FUS: variants seen among roughly 807,000 people sequenced by gnomAD.
The protein encoded by FUS is FUS RNA binding protein.
A neutral mutation model predicts 82.7 loss-of-function variants in FUS; 5 were observed. That is an observed-to-expected ratio of 0.06 (90% CI 0.03 to 0.13). The LOEUF (loss-of-function observed/expected upper bound fraction) is 0.13. Ranked by LOEUF, FUS falls within the 10% of genes least tolerant of loss-of-function variation. FUS has a pLI of 1.00. For missense variants in FUS, 512 were observed against 707.8 expected (o/e 0.72, Z 3.14); for synonymous variants, 281 against 247.4 (o/e 1.14, Z -1.27).
chr16:31,185,964 G>A, intron 6 of FUS: 1 of 236,738 alleles, frequency 4.2e-6, no homozygotes, highest in Non-Finnish European at 8.4e-6. Context: ...CCTTGAAAAA[G>A]GGGAGGAATG....
chr16:31,185,210 T>C, intron 6 of FUS, 31 bp downstream of exon 6: 4 of 1,584,342 alleles, frequency 2.5e-6, no homozygotes, highest in Non-Finnish European at 3.4e-6. Context: ...GGAGTATCTT[T>C]GGTGGGGAGT....
At chr16:31,191,764 T>A (rs1407975759), downstream of FUS, 1 of 610,268 alleles carries the variant, frequency 1.6e-6, no homozygotes, top group South Asian at 1.5e-5. Context: ...GATTAAACTT[T>A]TCTGTCATGG....
chr16:31,192,328 C>T (rs767664243), downstream of FUS: 4 of 526,984 alleles, frequency 7.6e-6, no homozygotes, highest in Non-Finnish European at 1.5e-5. Context: ...GAGTTAAAAC[C>T]TTAGAGCAGT....
rs768477428 is a variant in FUS at position 31,180,200 on chromosome 16, C to T, written c.-15C>T. The T allele has an allele frequency of 4.3e-5, 69 of 1,610,650 alleles. No individual in the cohort carries two copies. The highest frequency in any genetic ancestry group is 5.3e-5 in the Non-Finnish European group (62 of 1,178,524). On this transcript the variant is annotated 5_prime_UTR_variant, in exon 1 of 15. Transcript: ENST00000254108. Reference sequence around the variant, plus strand: ...GAACTTCGTTGCTTGCTTGCCTGTGCGCGCGTGCGCGGACATGGCCTCAAA... The same window carrying T: ...GAACTTCGTTGCTTGCTTGCCTGTGTGCGCGTGCGCGGACATGGCCTCAAA...
chr16:31,186,909 T>C, intron 7 of FUS, 73 bp downstream of exon 7: 1 of 1,410,396 alleles, frequency 7.1e-7, no homozygotes, highest in Non-Finnish European at 1.0e-6. Context: ...GCAGATGTCT[T>C]AGCGTGTTAA....
chr16:31,189,305 T>C (rs1004475219), intron 9 of FUS, 79 bp downstream of exon 9: 17 of 1,091,970 alleles, frequency 1.6e-5, no homozygotes, highest in South Asian at 1.1e-4. Context: ...AGCAAGTCTT[T>C]AATGGTTGCC....
At chr16:31,188,227 GTTAA>G in intron 7 of FUS, 94 bp from the exon 8 acceptor site, 1 of 1,278,360 alleles carries the variant, frequency 7.8e-7, no homozygotes, top group East Asian at 2.3e-5. Context: ...TGGATTTGGT[GTTAA>G]TTTTTTTCCT....
downstream of FUS, chr16:31,192,169 C>G (rs145145929): frequency 1.9e-6 from 1 of 528,812 alleles, no homozygotes; most frequent in South Asian, 1.5e-5. Flanking sequence ...ACTGGTCTGG[C>G]TGGGTTACTT....
chr16:31,180,711 G>C (rs551719635), intron 1 of FUS, among the ~76,000 whole-genome samples: 30 of 152,304 alleles, frequency 2.0e-4, no homozygotes, highest in African/African-American at 7.0e-4. Context: ...GGAAGACTCG[G>C]CGGCGCGCGT....
At chr16:31,190,169 A>T in intron 11 of FUS, 28 bp downstream of exon 11, 1 of 1,613,926 alleles carries the variant, frequency 6.2e-7, no homozygotes, top group East Asian at 2.2e-5. Context: ...AGTGGTGCAG[A>T]GGGGTAATGG....
At position 31,185,091 on chromosome 16, in the gene FUS, G is replaced by A. The variant is rs758970940; in HGVS notation, c.676G>A (p.Gly226Ser). 156 of 1,605,928 alleles carry A rather than the reference G, an allele frequency of 9.7e-5. No homozygotes were observed. The highest frequency in any genetic ancestry group is 1.2e-4 in the Non-Finnish European group (146 of 1,176,580). The change falls in exon 6 of 15, where the codon GGC becomes AGC. Residue 226 changes from glycine to serine, a missense_variant. By Grantham distance (56) the Gly-to-Ser change is moderately conservative. Coordinates refer to ENST00000254108, the MANE Select transcript of FUS (RefSeq NM_004960.4). ...RGRGGSGGGGGGGGGGYNRSS... is the reference protein window; with the variant it reads ...RGRGGSGGGGSGGGGGYNRSS... ...CAGGGGTGGCAGTGGTGGCGGCGGCGGCGGCGGCGGTGGTGGTTACAACCG... is the reference window on the plus strand; with the variant it reads ...CAGGGGTGGCAGTGGTGGCGGCGGCAGCGGCGGCGGTGGTGGTTACAACCG...
chr16:31,185,106 G>A lies in FUS; in HGVS notation c.691G>A (p.Gly231Ser), dbSNP rs2144114616. 1.2e-6 allele frequency: 2 copies of A among 1,608,466 alleles called. No homozygotes were observed. Among genetic ancestry groups the A allele is most frequent in the Non-Finnish European group, 1.7e-6 (2 of 1,177,782 alleles). The change falls in exon 6 of 15, where the codon GGT (glycine) becomes AGT (serine). Residue 231 changes from glycine (G) to serine (S), a missense_variant. Around this residue, in one of 6 missense-constraint regions of FUS, gnomAD observed 276 missense variants for 303.3 expected, o/e 0.91. Coordinates refer to ENST00000254108, the MANE Select transcript of FUS (RefSeq NM_004960.4). Reference sequence around the variant, plus strand: ...TGGCGGCGGCGGCGGCGGCGGTGGTGGTTACAACCGCAGCAGTGGTGGCTA... The same window carrying A: ...TGGCGGCGGCGGCGGCGGCGGTGGTAGTTACAACCGCAGCAGTGGTGGCTA... ...SGGGGGGGGG[G>S]YNRSSGGYEP... is the part of the protein sequence containing the mutation.
At chr16:31,181,395 G>A (rs1427071167) in intron 1 of FUS, among the ~76,000 whole-genome samples, 4 of 152,116 alleles carry the variant, frequency 2.6e-5, no homozygotes, top group Non-Finnish European at 4.4e-5. Context: ...GTTGCTTTTT[G>A]TTCGCTGGGG....
At chr16:31,188,749 G>T (rs2079309358) in intron 8 of FUS, 1 of 467,080 alleles carries the variant, frequency 2.1e-6, no homozygotes, top group East Asian at 3.8e-5. Context: ...CTCCTGTTTA[G>T]GTTGTATTGA....
At chr16:31,187,153 G>C in intron 7 of FUS, 1 of 462,946 alleles carries the variant, frequency 2.2e-6, no homozygotes, top group East Asian at 3.4e-5. Context: ...TGGAGAGTGC[G>C]TGCTGGAACA....
At chr16:31,180,654 C>T (rs576058123) in intron 1 of FUS, among the ~76,000 whole-genome samples, 7 of 152,330 alleles carry the variant, frequency 4.6e-5, no homozygotes, top group Non-Finnish European at 1.0e-4. Context: ...GCGGGTACCC[C>T]TTCCCCGCCT....
intron 6 of FUS, chr16:31,186,093 GA>G (rs908046264): frequency 1.3e-4 from 32 of 237,376 alleles, no homozygotes; most frequent in Non-Finnish European, 2.4e-4. Context: ...CAAAAATGAG[GA>G]AATGTGTGCG....
intron 6 of FUS, chr16:31,185,710 T>C: frequency 2.4e-6 from 1 of 411,458 alleles, no homozygotes; most frequent in South Asian, 1.9e-5. Flanking sequence ...GTGTGTGACT[T>C]GGTTTATGGG....
chr16:31,192,415 A>G (rs569807100), downstream of FUS: 75 of 523,018 alleles, frequency 1.4e-4, 2 homozygotes, highest in South Asian at 1.1e-3. Context: ...TTTTTATTTT[A>G]GTTACACAGA....
Sources: allele counts gnomAD v4.1 joint callset (sites outside exome capture counted in the v4.1 genomes callset), GRCh38; gene constraint gnomAD v4.1.1; regional missense constraint gnomAD v4.1.1; transcripts MANE v1.5; gene names NCBI Gene and HGNC (gene_info 2026-07-23, HGNC 2026-07-21).